The following NCKAP5 variants were observed in gnomAD, a reference collection of about 807,000 sequenced individuals.
The protein encoded by NCKAP5 is NCK associated protein 5.
Under a neutral mutation model 167.0 loss-of-function variants are expected in NCKAP5, and 92 were observed. That is an observed-to-expected ratio of 0.55 (90% CI 0.47 to 0.66). The LOEUF (loss-of-function observed/expected upper bound fraction) is 0.66. NCKAP5 is among the 30% of genes least tolerant of loss of function. NCKAP5 has a pLI of 0.00. For missense variants in NCKAP5, 2,378 were observed against 2,315.0 expected, an observed-to-expected ratio of 1.03 and a Z score of -0.56; for synonymous variants, 891 against 877.4, an observed-to-expected ratio of 1.02 and a Z score of -0.27.
intron 3 of NCKAP5, among the ~76,000 whole-genome samples, chr2:133,365,590 C>T (rs182451228): frequency 1.1e-4 from 16 of 152,216 alleles, no homozygotes; most frequent in African/African-American, 3.9e-4. Flanking sequence ...GATTGAAAGA[C>T]ATAAGTCCCA....
chr2:133,526,512 T>C (rs1393259015), intron 2 of NCKAP5, among the ~76,000 whole-genome samples: 1 of 152,196 alleles, frequency 6.6e-6, no homozygotes, highest in Admixed American at 6.5e-5. Flanking sequence ...GACTTGCCTT[T>C]ATTGTCATTC....
chr2:133,257,936 T>C (rs1574517902), intron 4 of NCKAP5, among the ~76,000 whole-genome samples: 1 of 152,104 alleles, frequency 6.6e-6, no homozygotes, highest in African/African-American at 2.4e-5. Flanking sequence ...TTCCCAACTG[T>C]AGGGTGTAGA....
chr2:133,127,095 T>C (rs1159828789), intron 6 of NCKAP5, among the ~76,000 whole-genome samples: 1 of 152,174 alleles, frequency 6.6e-6, no homozygotes, highest in African/African-American at 2.4e-5. Flanking sequence ...AGGTTTCTAA[T>C]TCAACAGAAT....
At chr2:133,261,838 C>G (rs981080617) in intron 4 of NCKAP5, among the ~76,000 whole-genome samples, 6 of 152,176 alleles carry the variant, frequency 3.9e-5, no homozygotes, top group Non-Finnish European at 5.9e-5. Flanking sequence ...TAGGTTAGCT[C>G]TGAACTAAAA....
At chr2:132,741,847 C>T (rs1380627457) in intron 16 of NCKAP5, among the ~76,000 whole-genome samples, 1 of 152,102 alleles carries the variant, frequency 6.6e-6, no homozygotes, top group Non-Finnish European at 1.5e-5. Flanking sequence ...CTATGCTCAA[C>T]CTTTTTCCCC....
At chr2:133,420,425 T>C (rs934467492) in intron 3 of NCKAP5, among the ~76,000 whole-genome samples, 1 of 152,194 alleles carries the variant, frequency 6.6e-6, no homozygotes, top group Non-Finnish European at 1.5e-5. Flanking sequence ...ACAGCCAGAT[T>C]ATTGCCAGCT....
At chr2:132,674,146 T>C (rs1684113924) in intron 19 of NCKAP5, among the ~76,000 whole-genome samples, 1 of 152,150 alleles carries the variant, frequency 6.6e-6, no homozygotes, top group South Asian at 2.1e-4. Flanking sequence ...CTACAATATT[T>C]CTCATCTTCT....
At chr2:133,349,989 A>G (rs1684248935) in intron 3 of NCKAP5, among the ~76,000 whole-genome samples, 1 of 152,224 alleles carries the variant, frequency 6.6e-6, no homozygotes, top group South Asian at 2.1e-4. Context: ...TACCTTTCAC[A>G]TAGCTTTCCC....
the NCKAP5 span, among the ~76,000 whole-genome samples, chr2:133,627,548 G>A: frequency 3.9e-5 from 6 of 152,160 alleles, no homozygotes; most frequent in Non-Finnish European, 7.4e-5. Context: ...ATCGAGGCAG[G>A]TGGATCACCT....
At chr2:132,726,633 G>A (rs986895669) in intron 18 of NCKAP5, among the ~76,000 whole-genome samples, 2 of 152,166 alleles carry the variant, frequency 1.3e-5, no homozygotes, top group African/African-American at 4.8e-5. Context: ...TCTGAAGTTT[G>A]TTTAGAAGGG....
At chr2:133,207,582 C>T (rs1208872117) in intron 5 of NCKAP5, among the ~76,000 whole-genome samples, 7 of 151,584 alleles carry the variant, frequency 4.6e-5, no homozygotes, top group Non-Finnish European at 1.0e-4. Context: ...TAAGAAATAC[C>T]CAAGATAAGC....
chr2:132,744,273 A>C (rs1263463080), intron 16 of NCKAP5, among the ~76,000 whole-genome samples: 1 of 151,718 alleles, frequency 6.6e-6, no homozygotes, highest in Non-Finnish European at 1.5e-5. Context: ...CATATCCTTC[A>C]TTATAAAAGA....
intron 2 of NCKAP5, among the ~76,000 whole-genome samples, chr2:133,528,718 T>G (rs1685118019): frequency 6.6e-6 from 1 of 152,210 alleles, no homozygotes; most frequent in South Asian, 2.1e-4. Context: ...GCCCCATGAT[T>G]CTCGTGTTAC....
the NCKAP5 span, among the ~76,000 whole-genome samples, chr2:133,614,756 C>G: frequency 2.0e-5 from 3 of 152,014 alleles, no homozygotes; most frequent in South Asian, 4.2e-4. Context: ...CTTCCCCAAT[C>G]TAGCAAGGCA....
chr2:133,130,075 G>A lies in NCKAP5; in HGVS notation c.244C>T (p.His82Tyr), dbSNP rs774820459. The A allele has an allele frequency of 1.9e-6, 3 of 1,612,008 alleles. No homozygotes were observed. In the South Asian group the frequency reaches 3.3e-5, roughly 18 times the overall value. ...KLIHELEEERHLRLQSEKRLQ... is the reference protein window; with the variant it reads ...KLIHELEEERYLRLQSEKRLQ... ...CGCTTCTCGCTTTGAAGACGTAAGT[G>A]TCTCTCCTCTTCCAGTTCATGTATC... Residue 82 changes from histidine (H) to tyrosine (Y), a missense_variant, in exon 6 of 20, where the codon CAC becomes TAC. By Grantham distance (83) the His-to-Tyr change is moderately conservative. Coordinates refer to ENST00000409261, the MANE Select transcript of NCKAP5 (RefSeq NM_207363.3).
chr2:132,973,600 G>A (rs374950631), intron 7 of NCKAP5, among the ~76,000 whole-genome samples: 1 of 152,210 alleles, frequency 6.6e-6, no homozygotes, highest in African/African-American at 2.4e-5. Flanking sequence ...CACTGCTGAA[G>A]TTCAGGGGTT....
chr2:132,978,680 AT>A (rs1185981126), intron 7 of NCKAP5, among the ~76,000 whole-genome samples: 1 of 152,172 alleles, frequency 6.6e-6, no homozygotes, highest in Non-Finnish European at 1.5e-5. Context: ...AGCTGGCCAC[AT>A]GGTGCACATC....
intron 8 of NCKAP5, among the ~76,000 whole-genome samples, chr2:132,881,320 G>GGGATT (rs1188130223): frequency 6.6e-6 from 1 of 151,796 alleles, no homozygotes; most frequent in African/African-American, 2.4e-5. Flanking sequence ...GATTACAGGT[G>GGGATT]ACCACCACCA....
intron 19 of NCKAP5, among the ~76,000 whole-genome samples, chr2:132,692,526 CT>C (rs374718276): frequency 2.9e-4 from 43 of 149,524 alleles, no homozygotes; most frequent in African/African-American, 8.8e-4. Context: ...GGGACCTTGT[CT>C]TTTTTTTTTC....
Sources: gnomAD v4.1 joint callset for allele counts (sites outside exome capture counted in the v4.1 genomes callset) on GRCh38, gnomAD v4.1.1 for gene constraint, MANE v1.5 for transcripts, NCBI Gene and HGNC (gene_info 2026-07-23, HGNC 2026-07-21) for gene names.